Variants in PPFIA2 observed in about 807,000 individuals in gnomAD.
The protein encoded by PPFIA2 is PPFI scaffold protein A2.
In PPFIA2, 46 loss-of-function variants were observed where a neutral mutation model predicts 175.5. The observed-to-expected ratio is 0.26, with a 90% confidence interval of 0.21 to 0.34. The LOEUF is 0.34. PPFIA2 is among the 10% of genes least tolerant of loss of function. PPFIA2 has a pLI of 1.00. For missense variants in PPFIA2, 1,179 were observed against 1,506.1 expected (o/e 0.78, Z 3.60); for synonymous variants, 568 against 511.4 (o/e 1.11, Z -1.49).
At chr12:81,437,875 T>A (rs1465507294) in intron 7 of PPFIA2, among the ~76,000 whole-genome samples, 2 of 151,880 alleles carry the variant, frequency 1.3e-5, no homozygotes, top group Non-Finnish European at 1.5e-5. Flanking sequence ...TCTCATTACC[T>A]ATTATTCCAG....
At chr12:81,344,843 A>T (rs1186109891) in intron 18 of PPFIA2, 150 bp from the exon 19 acceptor site, 7 of 569,924 alleles carry the variant, frequency 1.2e-5, no homozygotes, top group South Asian at 7.9e-5. Flanking sequence ...TTTAATTACT[A>T]TAAAAGCACT....
chr12:81,560,053 T>C (rs2069700206), intron 4 of PPFIA2, among the ~76,000 whole-genome samples: 1 of 152,204 alleles, frequency 6.6e-6, no homozygotes, highest in South Asian at 2.1e-4. Flanking sequence ...TTCTTGTCTT[T>C]TAAACTGAGG....
chr12:81,317,343 T>A (rs939442286), intron 22 of PPFIA2, among the ~76,000 whole-genome samples: 2 of 151,528 alleles, frequency 1.3e-5, no homozygotes, highest in African/African-American at 4.8e-5. Context: ...ATCCTAGGGT[T>A]GTTAGGGAGT....
chr12:81,563,490 A>C (rs942347480), intron 4 of PPFIA2, among the ~76,000 whole-genome samples: 4 of 152,162 alleles, frequency 2.6e-5, no homozygotes, highest in African/African-American at 9.7e-5. Flanking sequence ...TACTCATTGC[A>C]ATCTGGTTTC....
chr12:81,322,010 A>T (rs1429157866), intron 22 of PPFIA2, among the ~76,000 whole-genome samples: 1 of 152,026 alleles, frequency 6.6e-6, no homozygotes, highest in Non-Finnish European at 1.5e-5. Context: ...ATGTATTTTT[A>T]TTTTTTGTAA....
chr12:81,606,688 G>T (rs1376137430), intron 4 of PPFIA2, among the ~76,000 whole-genome samples: 1 of 151,892 alleles, frequency 6.6e-6, no homozygotes, highest in African/African-American at 2.4e-5. Context: ...GTTGATTTAA[G>T]TTCCTTAAAG....
chr12:81,620,619 C>A (rs1202079517), intron 4 of PPFIA2, among the ~76,000 whole-genome samples: 2 of 152,168 alleles, frequency 1.3e-5, no homozygotes, highest in Non-Finnish European at 2.9e-5. Flanking sequence ...ATATCTTGTG[C>A]TGTCCTAAAA....
At chr12:81,487,896 G>C (rs1409369914) in intron 4 of PPFIA2, among the ~76,000 whole-genome samples, 1 of 151,836 alleles carries the variant, frequency 6.6e-6, no homozygotes, top group Non-Finnish European at 1.5e-5. Flanking sequence ...AATCTGAAAT[G>C]TGTGTGAGGA....
At chr12:81,439,900 G>A (rs1275185328) in intron 7 of PPFIA2, 72 bp downstream of exon 7, 1 of 1,194,624 alleles carries the variant, frequency 8.4e-7, no homozygotes, top group Admixed American at 2.1e-5. Flanking sequence ...TATAATAAAA[G>A]TGACGTGAAA....
chr12:81,591,544 T>A (rs1421217850), intron 4 of PPFIA2, among the ~76,000 whole-genome samples: 1 of 152,100 alleles, frequency 6.6e-6, no homozygotes, highest in Non-Finnish European at 1.5e-5. Context: ...GAAAAAGTGT[T>A]TTCATGGGCC....
At chr12:81,472,418 T>C (rs2056880608) in intron 4 of PPFIA2, 1 of 152,202 alleles carries the variant, frequency 6.6e-6, no homozygotes, top group Admixed American at 6.5e-5. Context: ...GAGGGTAAGC[T>C]ATGTTAGTTA....
At chr12:81,622,672 T>A (rs1310165938) in intron 4 of PPFIA2, among the ~76,000 whole-genome samples, 1 of 151,998 alleles carries the variant, frequency 6.6e-6, no homozygotes, top group Non-Finnish European at 1.5e-5. Flanking sequence ...AGTTCAGAGA[T>A]GAAAATAACT....
At chr12:81,368,058 T>A in intron 13 of PPFIA2, 1 of 1,207,640 alleles carries the variant, frequency 8.3e-7, no homozygotes. Context: ...TGGCATTCAA[T>A]CTAGATTTCT....
intron 15 of PPFIA2, among the ~76,000 whole-genome samples, chr12:81,359,204 G>A (rs1388432868): frequency 6.6e-6 from 1 of 151,840 alleles, no homozygotes; most frequent in African/African-American, 2.4e-5. Flanking sequence ...CTCTTTTTCA[G>A]TTATTCTTGT....
chr12:81,637,306 G>A (rs1169780710), intron 4 of PPFIA2, among the ~76,000 whole-genome samples: 1 of 116,090 alleles, frequency 8.6e-6, no homozygotes, highest in Admixed American at 1.1e-4. Flanking sequence ...GTTTCTCTAT[G>A]TTGGTCAGGC....
At chr12:81,371,214 C>T (rs893339937) in intron 11 of PPFIA2, among the ~76,000 whole-genome samples, 1 of 151,556 alleles carries the variant, frequency 6.6e-6, no homozygotes, top group African/African-American at 2.4e-5. Context: ...AATTTAGAAG[C>T]TATACAGAGT....
intron 4 of PPFIA2, among the ~76,000 whole-genome samples, chr12:81,554,922 A>G (rs1567308022): frequency 6.6e-6 from 1 of 152,034 alleles, no homozygotes; most frequent in Non-Finnish European, 1.5e-5. Context: ...AGATGAGTCA[A>G]CCTTCTAATA....
intron 4 of PPFIA2, among the ~76,000 whole-genome samples, chr12:81,654,633 G>A (rs1428052588): frequency 6.6e-6 from 1 of 151,924 alleles, no homozygotes; most frequent in Non-Finnish European, 1.5e-5. Flanking sequence ...AAATAAACAT[G>A]AGCTCCAAAG....
chr12:81,520,781 A>G (rs1170320311), intron 4 of PPFIA2, among the ~76,000 whole-genome samples: 1 of 152,192 alleles, frequency 6.6e-6, no homozygotes, highest in Non-Finnish European at 1.5e-5. Context: ...TAAGAAATGC[A>G]TGGTATATTC....
Sources: gnomAD v4.1 joint callset for allele counts (sites outside exome capture counted in the v4.1 genomes callset) on GRCh38, gnomAD v4.1.1 for gene constraint, MANE v1.5 for transcripts, NCBI Gene and HGNC (gene_info 2026-07-23, HGNC 2026-07-21) for gene names.